Variants in DOCK5 observed in about 807,000 individuals in gnomAD.
DOCK5 encodes dedicator of cytokinesis 5.
In DOCK5, 142 loss-of-function variants were observed where a neutral mutation model predicts 251.8. The ratio of observed to expected loss-of-function variants is 0.56; its 90% CI spans 0.49 to 0.65. The LOEUF (loss-of-function observed/expected upper bound fraction) is 0.65, where lower values mean the gene tolerates loss of function less well. Among genes scored for constraint, DOCK5 ranks in the 30% least tolerant of loss-of-function variants. The pLI is 0.00. For missense variants in DOCK5, 2,111 were observed against 2,312.3 expected, an observed-to-expected ratio of 0.91 and a Z score of 1.79; for synonymous variants, 842 against 835.5, an observed-to-expected ratio of 1.01 and a Z score of -0.13.
chr8:25,374,676 T>C, intron 37 of DOCK5, 22 bp downstream of exon 37: 1 of 1,613,802 alleles, frequency 6.2e-7, no homozygotes, highest in Non-Finnish European at 8.5e-7. Flanking sequence ...AGAGAGCTTG[T>C]TTCAACAGGG....
chr8:25,223,471 C>T (rs1303628723), intron 1 of DOCK5, among the ~76,000 whole-genome samples: 5 of 152,130 alleles, frequency 3.3e-5, no homozygotes, highest in Non-Finnish European at 4.4e-5. Context: ...TGGGCCACCA[C>T]GCTCAGTTAA....
intron 1 of DOCK5, among the ~76,000 whole-genome samples, chr8:25,188,817 TTTTC>T (rs149509184): frequency 0.23 from 35,560 of 151,996 alleles, 4,821 homozygotes; most frequent in Middle Eastern, 0.37. Flanking sequence ...TTCTCATCTT[TTTTC>T]TTTCTTTGTT....
rs1800769248 is a variant in DOCK5 at position 25,366,093 on chromosome 8, A to C, written c.3124-777A>C. ...ATATCATCTGTTCTATGACTGGTCCATGATGTATTTAACCAAATTCTTCTT... is the reference window on the plus strand; with the variant it reads ...ATATCATCTGTTCTATGACTGGTCCCTGATGTATTTAACCAAATTCTTCTT... On this transcript the variant is annotated intron_variant, in intron 30 of 51. Coordinates refer to ENST00000276440, the MANE Select transcript of DOCK5 (RefSeq NM_024940.8). Among the ~76,000 whole-genome samples the C allele has an allele frequency of 2.0e-5, 3 of 152,272 alleles. No individual in the cohort carries two copies. In the South Asian group the frequency reaches 6.2e-4, roughly 32 times the overall value.
In DOCK5 at chr8:25,239,550, A is replaced by G. The variant is rs181350056; in HGVS notation, c.44-4124A>G. Among the ~76,000 whole-genome samples, 186 of 152,216 alleles carry G rather than the reference A, an allele frequency of 1.2e-3. 1 individual carries two copies. The highest frequency in any genetic ancestry group is 4.2e-3 in the African/African-American group (174 of 41,554). On this transcript the variant is annotated intron_variant, in intron 1 of 51. Coordinates refer to ENST00000276440, the MANE Select transcript of DOCK5 (RefSeq NM_024940.8). ...CTGTTTTCATTTGAGAAGGGGGCCAATGGAAGGGACCATTTCAGTACAAGG... is the reference window on the plus strand; with the variant it reads ...CTGTTTTCATTTGAGAAGGGGGCCAGTGGAAGGGACCATTTCAGTACAAGG...
Position 25,414,924 on chromosome 8 carries a change from A to ATTTTTTTTTTTTTTTTTT in DOCK5, c.*3630_*3631insTTTTTTTTTTTTTTTTTT, listed in dbSNP as rs1205298349. ...CTGGGCCTGTCTTTTTTTTTTTTTAATTTTGAAGCTACCTGAGGTTTAGAA... is the reference window on the plus strand; with the variant it reads ...CTGGGCCTGTCTTTTTTTTTTTTTAATTTTTTTTTTTTTTTTTTTTTTGAAGCTACCTGAGGTTTAGAA... On this transcript the variant is annotated 3_prime_UTR_variant, in exon 52 of 52. Transcript: ENST00000276440. The ATTTTTTTTTTTTTTTTTT allele has an allele frequency of 4.7e-5, 3 of 64,212 alleles. No homozygotes were observed. Among genetic ancestry groups the ATTTTTTTTTTTTTTTTTT allele is most frequent in the Non-Finnish European group, 6.2e-5 (2 of 32,440 alleles). 4.0% of individuals were successfully genotyped at this position (64,212 alleles called of 1,614,324 possible).
chr8:25,406,489 A>G (rs1801525506), intron 48 of DOCK5, among the ~76,000 whole-genome samples: 1 of 152,118 alleles, frequency 6.6e-6, no homozygotes, highest in African/African-American at 2.4e-5. Flanking sequence ...TCAAATATGT[A>G]GTGTTTCTTA....
intron 27 of DOCK5, among the ~76,000 whole-genome samples, chr8:25,354,498 G>T (rs983033284): frequency 6.6e-6 from 1 of 152,166 alleles, no homozygotes; most frequent in African/African-American, 2.4e-5. Context: ...GAAGGGAAGG[G>T]CAGGACTGGA....
chr8:25,190,679 A>G (rs957173536), intron 1 of DOCK5, among the ~76,000 whole-genome samples: 2 of 151,884 alleles, frequency 1.3e-5, no homozygotes, highest in Admixed American at 1.3e-4. Context: ...TGAGCAAGAC[A>G]GTGATACTTG....
At chr8:25,294,953 C>T (rs934563226) in intron 6 of DOCK5, among the ~76,000 whole-genome samples, 3 of 152,056 alleles carry the variant, frequency 2.0e-5, no homozygotes, top group African/African-American at 7.3e-5. Context: ...GGTGTTAAAC[C>T]ATTTATGAAG....
chr8:25,278,791 C>G (rs1804112678), intron 5 of DOCK5, 126 bp downstream of exon 5: 2 of 843,786 alleles, frequency 2.4e-6, no homozygotes, highest in Non-Finnish European at 3.8e-6. Context: ...CTGGATCACA[C>G]AAAGGCTGAT....
chr8:25,346,447 ACT>A (rs1800368420), intron 26 of DOCK5, among the ~76,000 whole-genome samples: 1 of 152,184 alleles, frequency 6.6e-6, no homozygotes, highest in African/African-American at 2.4e-5. Flanking sequence ...CCTCTTGGAC[ACT>A]GATACTTTCT....
chr8:25,320,235 C>A (rs967108853), intron 15 of DOCK5, among the ~76,000 whole-genome samples: 5 of 152,132 alleles, frequency 3.3e-5, no homozygotes, highest in African/African-American at 1.2e-4. Flanking sequence ...GAATCCCGGG[C>A]TCCATCAGCT....
chr8:25,210,039 T>TAA (rs1563309160), intron 1 of DOCK5, among the ~76,000 whole-genome samples: 85 of 1,778 alleles, frequency 0.048, 15 homozygotes, highest in South Asian at 0.15. Flanking sequence ...TATATAAATG[T>TAA]GTGTGTGTGT....
chr8:25,225,941 C>T (rs963025722), intron 1 of DOCK5, among the ~76,000 whole-genome samples: 3 of 151,994 alleles, frequency 2.0e-5, no homozygotes, highest in African/African-American at 7.3e-5. Context: ...TACACTTTTG[C>T]AAGATGAAAG....
At chr8:25,192,660 C>T (rs2117443565) in intron 1 of DOCK5, among the ~76,000 whole-genome samples, 1 of 152,280 alleles carries the variant, frequency 6.6e-6, no homozygotes, top group South Asian at 2.1e-4. Context: ...CACACACTAC[C>T]ATGCCTGGCT....
rs1801670690 is a variant in DOCK5, at chr8:25,413,887, CAG to C, written c.*2591_*2592del. 6.6e-6 allele frequency: 1 copy of C among 152,110 alleles called. No homozygotes were observed. Among genetic ancestry groups the C allele is most frequent in the Non-Finnish European group, 1.5e-5 (1 of 68,024 alleles). 9.4% of individuals were successfully genotyped at this position (152,110 alleles called of 1,614,324 possible). A position where few individuals can be genotyped will look rare whatever the true frequency, so the allele number is the denominator to read the frequency against. ...GTTGGGTAGGAAGAGTCACATTTGA[CAG>C]AATTCATAAATAATGTGTCCTGAAG... is the stretch of plus-strand genomic sequence containing the variant. On this transcript the variant is annotated 3_prime_UTR_variant, in exon 52 of 52. Coordinates refer to ENST00000276440, the MANE Select transcript of DOCK5 (RefSeq NM_024940.8).
At chr8:25,234,912 A>T (rs1802756423) in intron 1 of DOCK5, among the ~76,000 whole-genome samples, 1 of 152,064 alleles carries the variant, frequency 6.6e-6, no homozygotes, top group Non-Finnish European at 1.5e-5. Flanking sequence ...GTCCTTCCTG[A>T]TTCACTGTTT....
intron 38 of DOCK5, among the ~76,000 whole-genome samples, chr8:25,378,484 A>G (rs552445608): frequency 3.3e-5 from 5 of 152,316 alleles, no homozygotes; most frequent in Admixed American, 3.3e-4. Context: ...AGTGTTTCCC[A>G]ATGGCTTGTG....
intron 48 of DOCK5, among the ~76,000 whole-genome samples, chr8:25,406,429 A>G (rs1417848645): frequency 2.0e-5 from 3 of 152,238 alleles, no homozygotes; most frequent in Non-Finnish European, 4.4e-5. Context: ...TCCATAATAC[A>G]ATAATTACAT....
Sources: gnomAD v4.1 joint callset for allele counts (sites outside exome capture counted in the v4.1 genomes callset) on GRCh38, gnomAD v4.1.1 for gene constraint, MANE v1.5 for transcripts, NCBI Gene and HGNC (gene_info 2026-07-23, HGNC 2026-07-21) for gene names.